FBXO10: variants seen among roughly 807,000 people sequenced by gnomAD.
The protein encoded by FBXO10 is F-box only protein 10.
FBXO10 carries 39 observed loss-of-function variants against 80.7 expected under a neutral mutation model. The ratio of observed to expected loss-of-function variants is 0.48; its 90% CI spans 0.37 to 0.63. The LOEUF (loss-of-function observed/expected upper bound fraction) is 0.63. Ranked by LOEUF, FBXO10 falls within the 30% of genes least tolerant of loss-of-function variation. The pLI is 0.00. For synonymous variants in FBXO10, 449 were observed against 489.6 expected (o/e 0.92, Z 1.09); for missense variants, 1,025 against 1,269.0 (o/e 0.81, Z 2.92).
At chr9:37,525,747 C>T (rs145358676) in intron 5 of FBXO10, among the ~76,000 whole-genome samples, 1 of 152,150 alleles carries the variant, frequency 6.6e-6, no homozygotes, top group African/African-American at 2.4e-5. Flanking sequence ...CTACGTTGCC[C>T]AGGCTGGTCT....
intron 3 of FBXO10, among the ~76,000 whole-genome samples, chr9:37,533,153 T>C (rs186427565): frequency 4.6e-4 from 32 of 69,284 alleles, no homozygotes; most frequent in Admixed American, 2.2e-3. Context: ...TTTTTATGTT[T>C]AATAAGTACA....
chr9:37,553,996 C>T (rs1228029309), intron 1 of FBXO10, among the ~76,000 whole-genome samples: 7 of 150,634 alleles, frequency 4.6e-5, no homozygotes, highest in African/African-American at 1.5e-4. Context: ...TAACATTTTG[C>T]AAAACTATAG....
intron 1 of FBXO10, among the ~76,000 whole-genome samples, chr9:37,560,846 A>G (rs949158206): frequency 1.3e-5 from 2 of 152,152 alleles, no homozygotes; most frequent in Non-Finnish European, 2.9e-5. Context: ...TTTTGATTAA[A>G]AAAACTTTTT....
intron 1 of FBXO10, among the ~76,000 whole-genome samples, chr9:37,558,811 ATC>A (rs1416456247): frequency 7.3e-6 from 1 of 137,280 alleles, no homozygotes; most frequent in East Asian, 2.2e-4. Context: ...AAGAAAGAAA[ATC>A]TTTTTTTTTT....
At chr9:37,537,968 G>A (rs1203629435) in intron 2 of FBXO10, 25 bp from the exon 3 acceptor site, 1 of 1,581,072 alleles carries the variant, frequency 6.3e-7, no homozygotes, top group Non-Finnish European at 8.7e-7. Context: ...GAAGAAAACG[G>A]CTGTAAGAGG....
intron 2 of FBXO10, among the ~76,000 whole-genome samples, chr9:37,540,512 C>T (rs138529612): frequency 1.4e-3 from 214 of 152,122 alleles, no homozygotes; most frequent in African/African-American, 4.6e-3. Flanking sequence ...GGCAGGAAAG[C>T]GATATAATTT....
chr9:37,557,781 T>C (rs1822374621), intron 1 of FBXO10, among the ~76,000 whole-genome samples: 1 of 152,246 alleles, frequency 6.6e-6, no homozygotes, highest in Admixed American at 6.5e-5. Context: ...GGGGCTCATC[T>C]ATAATACTTT....
At chr9:37,574,909 T>C (rs774107379) in intron 1 of FBXO10, among the ~76,000 whole-genome samples, 1 of 152,222 alleles carries the variant, frequency 6.6e-6, no homozygotes, top group Non-Finnish European at 1.5e-5. Flanking sequence ...GGGTTCCATA[T>C]AGCTGCTGAA....
In FBXO10 at chr9:37,537,200, G is replaced by A. The variant is rs777356183; in HGVS notation, c.1329C>T (p.Gly443=). The A allele has an allele frequency of 6.2e-6, 10 of 1,613,944 alleles. No homozygotes were observed. The East Asian group carries it at 8.9e-5, about 14-fold the overall frequency. Residue 443 remains glycine (G), a synonymous_variant, in exon 3 of 11, where the codon GGC becomes GGT. Transcript: ENST00000432825. ...RKCLFRDGKG[G]VFVCSHGRAK... is the part of the protein sequence containing the mutation. Reference sequence around the variant, plus strand: ...CTCTGCCGTGGGAGCAGACGAAGACGCCTCCCTTCCCGTCCCGGAAGAGGC... The same window carrying A: ...CTCTGCCGTGGGAGCAGACGAAGACACCTCCCTTCCCGTCCCGGAAGAGGC...
intron 8 of FBXO10, among the ~76,000 whole-genome samples, chr9:37,519,361 A>C (rs1821269264): frequency 6.6e-6 from 1 of 152,216 alleles, no homozygotes; most frequent in Admixed American, 6.5e-5. Context: ...ATGAGGAGAA[A>C]AACCCCAAGT....
intron 7 of FBXO10, chr9:37,522,564 G>A (rs1045565952): frequency 1.6e-6 from 2 of 1,261,194 alleles, no homozygotes; most frequent in Non-Finnish European, 2.0e-6. Flanking sequence ...CTTAAGACAT[G>A]ACACAACTCC....
At chr9:37,555,703 T>C (rs966274821) in intron 1 of FBXO10, among the ~76,000 whole-genome samples, 1 of 145,970 alleles carries the variant, frequency 6.9e-6, no homozygotes, top group Admixed American at 6.8e-5. Flanking sequence ...TTTAATTGTT[T>C]TTTTTAATAT....
chr9:37,563,086 C>G (rs1430766002), intron 1 of FBXO10, among the ~76,000 whole-genome samples: 3 of 152,134 alleles, frequency 2.0e-5, no homozygotes, highest in African/African-American at 7.2e-5. Flanking sequence ...ATGCTGTTCT[C>G]ATGATAGTGA....
chr9:37,523,590 G>A (rs771230523), intron 6 of FBXO10, among the ~76,000 whole-genome samples: 5 of 152,002 alleles, frequency 3.3e-5, no homozygotes, highest in Non-Finnish European at 5.9e-5. Flanking sequence ...AGTGACACTG[G>A]TGTCCAAAAA....
intron 1 of FBXO10, among the ~76,000 whole-genome samples, chr9:37,543,670 C>T (rs1821980808): frequency 6.6e-6 from 1 of 152,194 alleles, no homozygotes; most frequent in Non-Finnish European, 1.5e-5. Context: ...CTTTGAATGC[C>T]ATCAGATATC....
Position 37,521,608 on chromosome 9 carries a change from T to TG in FBXO10, c.2160dup (p.Ile721HisfsTer5). 6.2e-7 allele frequency: 1 copy of TG among 1,613,848 alleles called. No individual in the cohort carries two copies. Among genetic ancestry groups the TG allele is most frequent in the Non-Finnish European group, 8.5e-7 (1 of 1,179,828 alleles). On this transcript the variant is annotated frameshift_variant, in exon 8 of 11. Coordinates refer to ENST00000432825, the MANE Select transcript of FBXO10 (RefSeq NM_012166.3). LOFTEE classifies it high-confidence loss of function. The stretch of plus-strand genomic sequence containing the variant: ...ATACTGTTAGACTCAACAAGAGCTA[T>TG]GGTGATGGGCCGGCGCAGTGGGTCG...
chr9:37,514,056 A>G (rs1209500066), intron 10 of FBXO10, among the ~76,000 whole-genome samples: 1 of 152,200 alleles, frequency 6.6e-6, no homozygotes. Flanking sequence ...CAAGGAACCA[A>G]CTTTACACAC....
intron 3 of FBXO10, among the ~76,000 whole-genome samples, chr9:37,533,639 G>A (rs2074352075): frequency 6.6e-6 from 1 of 151,962 alleles, no homozygotes; most frequent in African/African-American, 2.4e-5. Context: ...GGGAGGCTGA[G>A]GCGGGCGGAT....
In FBXO10 at chr9:37,573,593, G is replaced by A. The variant is rs193093293; in HGVS notation, c.-7+2618C>T. On this transcript the variant is annotated intron_variant, in intron 1 of 10. Transcript: ENST00000432825. Reference sequence around the variant, plus strand: ...ACAATGCAGTTCTCTCTCCTCTGGAGAGTGACAGTAAGACTGACCCCATTG... The same window carrying A: ...ACAATGCAGTTCTCTCTCCTCTGGAAAGTGACAGTAAGACTGACCCCATTG... Among the ~76,000 whole-genome samples the A allele has an allele frequency of 7.9e-5, 12 of 152,266 alleles. No homozygotes were observed. The East Asian group carries it at 2.3e-3, about 29-fold the overall frequency.
Sources: gnomAD v4.1 joint callset for allele counts (sites outside exome capture counted in the v4.1 genomes callset) on GRCh38, gnomAD v4.1.1 for gene constraint, MANE v1.5 for transcripts, NCBI Gene and HGNC (gene_info 2026-07-23, HGNC 2026-07-21) for gene names.